CHUK: variants seen among roughly 807,000 people sequenced by gnomAD.
The protein encoded by CHUK is component of inhibitor of nuclear factor kappa B kinase complex.
Under a neutral mutation model 104.8 loss-of-function variants are expected in CHUK, and 35 were observed. That is an observed-to-expected ratio of 0.33 (90% confidence interval 0.26 to 0.44). CHUK has a LOEUF of 0.44. Ranked by LOEUF, CHUK falls within the 20% of genes least tolerant of loss-of-function variation. The pLI, the probability that CHUK is intolerant of heterozygous loss-of-function variation, is 1.00. For missense variants in CHUK, 663 were observed against 902.7 expected, an observed-to-expected ratio of 0.73 and a Z score of 3.40; for synonymous variants, 276 against 291.9, an observed-to-expected ratio of 0.95 and a Z score of 0.56.
Position 100,193,386 on chromosome 10 carries a change from C to T in CHUK, c.2020G>A (p.Ala674Thr). Reference protein sequence around the residue: ...RSLVGSSLEGAVTPQTSAWLP... With the variant: ...RSLVGSSLEGTVTPQTSAWLP... The stretch of plus-strand genomic sequence containing the variant: ...CATGCTGATGTCTGAGGGGTTACTG[C>T]ACCTTCTAGACTGGATCCTACAAGG... The change falls in exon 19 of 21, where the codon GCA (alanine) becomes ACA (threonine). Residue 674 changes from alanine to threonine, a missense_variant. This residue lies in a region of CHUK where 311 missense variants were observed against 393.4 expected (regional missense o/e 0.79). Coordinates refer to ENST00000370397, the MANE Select transcript of CHUK (RefSeq NM_001278.5). 6.2e-7 allele frequency: 1 copy of T among 1,614,084 alleles called. No homozygotes were observed. The highest frequency in any genetic ancestry group is 8.5e-7 in the Non-Finnish European group (1 of 1,179,952).
intron 14 of CHUK, 145 bp downstream of exon 14, chr10:100,201,943 T>G: frequency 1.4e-6 from 1 of 701,170 alleles, no homozygotes; most frequent in Non-Finnish European, 2.6e-6. Flanking sequence ...GATACATCCC[T>G]CTTTATATAC....
At chr10:100,221,278 T>C (rs1160274624) in intron 4 of CHUK, among the ~76,000 whole-genome samples, 1 of 151,922 alleles carries the variant, frequency 6.6e-6, no homozygotes, top group East Asian at 1.9e-4. Context: ...CTGTTAAAAA[T>C]ACAAAAATTA....
intron 5 of CHUK, among the ~76,000 whole-genome samples, chr10:100,219,882 C>A (rs965548419): frequency 6.6e-6 from 1 of 151,228 alleles, no homozygotes; most frequent in South Asian, 2.1e-4. Context: ...GCCAAGCATA[C>A]GTGAAAGGTT....
intron 8 of CHUK, 87 bp from the exon 9 acceptor site, chr10:100,218,217 T>C: frequency 8.4e-7 from 1 of 1,195,382 alleles, no homozygotes; most frequent in South Asian, 1.2e-5. Context: ...TTGCAGGTTG[T>C]CCATTTTCTT....
At position 100,222,900 on chromosome 10, in the gene CHUK, G is replaced by A; in HGVS notation, c.281C>T (p.Ala94Val). 1.9e-6 allele frequency: 3 copies of A among 1,599,330 alleles called. No homozygotes were observed. Among genetic ancestry groups the A allele is most frequent in the Non-Finnish European group, 2.6e-6 (3 of 1,166,800 alleles). Residue 94 changes from alanine (A) to valine (V), a missense_variant, in exon 3 of 21, where the codon GCA (alanine) becomes GTA (valine). By Grantham distance (64) the Ala-to-Val change is moderately conservative (BLOSUM62 0). Around this residue, in one of 5 missense-constraint regions of CHUK, gnomAD observed 200 missense variants for 333.0 expected, o/e 0.60. Coordinates refer to ENST00000370397, the MANE Select transcript of CHUK (RefSeq NM_001278.5). ...NILIHDVPLL[A>V]MEYCSGGDLR... Reference sequence around the variant, plus strand: ...ATCTCCTCCAGAACAGTATTCCATTGCTAGAAGAGGCACATCATGAATCAA... The same window carrying A: ...ATCTCCTCCAGAACAGTATTCCATTACTAGAAGAGGCACATCATGAATCAA...
chr10:100,211,490 C>G (rs1041216959), intron 9 of CHUK, among the ~76,000 whole-genome samples: 2 of 152,112 alleles, frequency 1.3e-5, no homozygotes, highest in Non-Finnish European at 2.9e-5. Flanking sequence ...CCCCCGCACC[C>G]GCATCCCTGC....
chr10:100,190,980 A>G lies in CHUK; in HGVS notation c.2109-12T>C. The G allele has an allele frequency of 6.6e-7, 1 of 1,505,728 alleles. No individual in the cohort carries two copies. The highest frequency in any genetic ancestry group is 9.2e-7 in the Non-Finnish European group (1 of 1,081,224). The allele number at this position is 1,505,728 out of a possible 1,614,324, so 93.3% of individuals were successfully genotyped here. ...GTGCTGAAGTCTCCCTGTGAGATGA[A>G]AGAACAAAGCCTTTTCAAACTCAGG... On this transcript the variant is annotated splice_polypyrimidine_tract_variant and intron_variant, in intron 19 of 20. Coordinates refer to ENST00000370397, the MANE Select transcript of CHUK (RefSeq NM_001278.5).
At chr10:100,199,655 T>C (rs1394121146) in intron 16 of CHUK, among the ~76,000 whole-genome samples, 3 of 152,202 alleles carry the variant, frequency 2.0e-5, no homozygotes, top group Admixed American at 6.5e-5. Flanking sequence ...GCAACACTTA[T>C]TTTTTCCATC....
chr10:100,213,710 TG>T (rs1188642405), intron 9 of CHUK, among the ~76,000 whole-genome samples: 1 of 151,994 alleles, frequency 6.6e-6, no homozygotes, highest in African/African-American at 2.4e-5. Context: ...TTAGTAGAGA[TG>T]GGGTTTCACC....
intron 9 of CHUK, 134 bp from the exon 10 acceptor site, chr10:100,209,923 TGA>T: frequency 1.8e-6 from 1 of 560,506 alleles, no homozygotes. Context: ...TTCTCCAAAG[TGA>T]GATCTCCTTT....
intron 4 of CHUK, 36 bp from the exon 5 acceptor site, chr10:100,220,712 A>G: frequency 7.3e-7 from 1 of 1,370,514 alleles, no homozygotes; most frequent in African/African-American, 1.4e-5. Context: ...AAAGTAACAG[A>G]AATCATTGAG....
chr10:100,209,866 G>A, intron 9 of CHUK, 77 bp from the exon 10 acceptor site: 1 of 696,322 alleles, frequency 1.4e-6, no homozygotes, highest in Non-Finnish European at 2.6e-6. Context: ...ACTAAAAGGT[G>A]AATATGGGCA....
At chr10:100,216,076 T>C (rs564875766) in intron 9 of CHUK, among the ~76,000 whole-genome samples, 2 of 152,314 alleles carry the variant, frequency 1.3e-5, no homozygotes, top group African/African-American at 2.4e-5. Flanking sequence ...GATAGGTAAA[T>C]AGTGGTGCTG....
rs542692961 is a variant in CHUK at position 100,193,856 on chromosome 10, A to G, written c.1974+128T>C. ...CTAGTCTGGACACCAAGCAAGGAAC[A>G]TGGATGTCATCCCAATGCAAAATAT... is the stretch of plus-strand genomic sequence containing the variant. On this transcript the variant is annotated intron_variant, in intron 18 of 20. Transcript: ENST00000370397. 324 of 799,906 alleles carry G rather than the reference A, an allele frequency of 4.1e-4. 1 individual carries two copies. Among genetic ancestry groups the G allele is most frequent in the Non-Finnish European group, 6.5e-4 (308 of 473,076 alleles). 49.6% of individuals were successfully genotyped at this position (799,906 alleles called of 1,614,324 possible).
rs1437781298 is a variant in CHUK at position 100,228,981 on chromosome 10, G to A, written c.105+447C>T. On this transcript the variant is annotated intron_variant, in intron 1 of 20. Transcript: ENST00000370397. ...CTGATATCATATGGCCTCCAAGCGC[G>A]CGCGCGCGCGCGCACACACACACAC... Among the ~76,000 whole-genome samples, 16 of 84,360 alleles carry A rather than the reference G, an allele frequency of 1.9e-4. No homozygotes were observed. The East Asian group carries it at 5.8e-3, about 30-fold the overall frequency. 55.3% of individuals were successfully genotyped at this position (84,360 alleles called of 152,430 possible).
intron 16 of CHUK, chr10:100,196,031 C>G (rs889117424): frequency 6.6e-6 from 1 of 152,168 alleles, no homozygotes; most frequent in African/African-American, 2.4e-5. Flanking sequence ...CTCTGCCTCC[C>G]TGGTTCAAGC....
chr10:100,190,743 C>T (rs1194562961), intron 20 of CHUK, 126 bp downstream of exon 20: 1 of 759,462 alleles, frequency 1.3e-6, no homozygotes, highest in Non-Finnish European at 2.4e-6. Context: ...TCCCCAAATG[C>T]TCTTTCCTCT....
At chr10:100,229,203 A>T (rs530663114) in intron 1 of CHUK, among the ~76,000 whole-genome samples, 38 of 152,138 alleles carry the variant, frequency 2.5e-4, no homozygotes, top group African/African-American at 8.9e-4. Flanking sequence ...GTCATACCCA[A>T]GTTCCCCGCA....
At position 100,193,356 on chromosome 10, in the gene CHUK, G is replaced by A. The variant is rs1456932587; in HGVS notation, c.2050C>T (p.Pro684Ser). 6.2e-7 allele frequency: 1 copy of A among 1,614,140 alleles called. No homozygotes were observed. Among genetic ancestry groups the A allele is most frequent in the Non-Finnish European group, 8.5e-7 (1 of 1,179,980 alleles). Reference protein sequence around the residue: ...AVTPQTSAWLPPTSAEHDHSL... With the variant: ...AVTPQTSAWLSPTSAEHDHSL... ...TGATCATGTTCTGCTGAAGTCGGGGGCAGCCATGCTGATGTCTGAGGGGTT... is the reference window on the plus strand; with the variant it reads ...TGATCATGTTCTGCTGAAGTCGGGGACAGCCATGCTGATGTCTGAGGGGTT... Residue 684 changes from proline to serine, a missense_variant, in exon 19 of 21, where the codon CCC (proline) becomes TCC (serine). Around this residue, in one of 5 missense-constraint regions of CHUK, gnomAD observed 311 missense variants for 393.4 expected, o/e 0.79. Coordinates refer to ENST00000370397, the MANE Select transcript of CHUK (RefSeq NM_001278.5).
Sources: allele counts gnomAD v4.1 joint callset (sites outside exome capture counted in the v4.1 genomes callset), GRCh38; gene constraint gnomAD v4.1.1; regional missense constraint gnomAD v4.1.1; transcripts MANE v1.5; gene names NCBI Gene and HGNC (gene_info 2026-07-23, HGNC 2026-07-21).